Variants in B4GALT6 observed in about 807,000 individuals in gnomAD.
The protein encoded by B4GALT6 is UDP-Gal:beta-GlcNAc beta-1,4-galactosyltransferase 6.
B4GALT6 carries 14 observed loss-of-function variants against 46.3 expected under a neutral mutation model. The ratio of observed to expected loss-of-function variants is 0.30; its 90% CI spans 0.20 to 0.47. B4GALT6 has a LOEUF of 0.47. Among genes scored for constraint, B4GALT6 ranks in the 20% least tolerant of loss-of-function variants. The pLI, the probability that B4GALT6 is intolerant of heterozygous loss-of-function variation, is 0.99. For synonymous variants in B4GALT6, 168 were observed against 162.0 expected (o/e 1.04, Z -0.28); for missense variants, 386 against 480.1 (o/e 0.80, Z 1.83).
At chr18:31,709,603 GTATA>G in the B4GALT6 span, among the ~76,000 whole-genome samples, 14 of 135,536 alleles carry the variant, frequency 1.0e-4, no homozygotes, top group African/African-American at 3.9e-4. Context: ...GTGTGTGTGT[GTATA>G]TATATATCCT....
intron 6 of B4GALT6, among the ~76,000 whole-genome samples, 196 bp from the exon 7 acceptor site, chr18:31,627,317 A>C (rs1337341390): frequency 1.3e-5 from 2 of 152,108 alleles, no homozygotes. Flanking sequence ...TACATGTGTT[A>C]TGTTAAATGT....
intron 3 of B4GALT6, among the ~76,000 whole-genome samples, chr18:31,657,319 G>A (rs543816583): frequency 3.9e-4 from 60 of 152,044 alleles, no homozygotes; most frequent in African/African-American, 1.2e-3. Flanking sequence ...ATACAAAGAC[G>A]TACCACACAG....
chr18:31,630,872 G>T, intron 6 of B4GALT6, 87 bp downstream of exon 6: 1 of 1,427,164 alleles, frequency 7.0e-7, no homozygotes, highest in Non-Finnish European at 9.7e-7. Context: ...AGTTCTCTCA[G>T]ATTTAGGGAC....
At position 31,663,965 on chromosome 18, in the gene B4GALT6, T is replaced by C. The variant is rs866308737; in HGVS notation, c.232+2291A>G. The stretch of plus-strand genomic sequence containing the variant: ...TTCCCCGTAGGTAACAGAATGCCAG[T>C]TTCACTAGAGTTCCAGCATACTCTG... On this transcript the variant is annotated intron_variant, in intron 2 of 8. Transcript: ENST00000306851. Among the ~76,000 whole-genome samples the C allele has an allele frequency of 2.0e-5, 3 of 152,220 alleles. No individual in the cohort carries two copies. The South Asian group carries it at 6.2e-4, about 31-fold the overall frequency.
In B4GALT6 at chr18:31,625,713, C is replaced by T. The variant is rs1240028459; in HGVS notation, c.1050G>A (p.Leu350=). Residue 350 remains leucine, a synonymous_variant, in exon 9 of 9, where the codon CTG becomes CTA. Coordinates refer to ENST00000306851, the MANE Select transcript of B4GALT6 (RefSeq NM_004775.5). ...TTTTTGGCCTATATATTAAATTGTT[C>T]AGTCCATCGATGTACTGACGCTCCT... The part of the protein sequence containing the change: ...YSKERQYIDG[L]NNLIYRPKIL... 4 of 1,613,290 alleles carry T rather than the reference C, an allele frequency of 2.5e-6. No individual in the cohort carries two copies. In the South Asian group the frequency reaches 4.4e-5, roughly 18 times the overall value.
At chr18:31,678,558 T>C (rs1598932535) in intron 1 of B4GALT6, among the ~76,000 whole-genome samples, 1 of 152,324 alleles carries the variant, frequency 6.6e-6, no homozygotes, top group Non-Finnish European at 1.5e-5. Context: ...AAGGTGTACA[T>C]TTCAGCTCTT....
At chr18:31,638,582 T>C in intron 5 of B4GALT6, 62 bp downstream of exon 5, 1 of 1,287,442 alleles carries the variant, frequency 7.8e-7, no homozygotes, top group Non-Finnish European at 1.1e-6. Flanking sequence ...ATGTTTAATC[T>C]AACCATATCT....
At chr18:31,705,816 A>G in the B4GALT6 span, among the ~76,000 whole-genome samples, 8 of 152,248 alleles carry the variant, frequency 5.3e-5, no homozygotes, top group African/African-American at 1.9e-4. Context: ...TCTGTAAGGT[A>G]GAAAAGATAA....
intron 3 of B4GALT6, 137 bp downstream of exon 3, chr18:31,657,839 C>A: frequency 1.9e-6 from 1 of 518,444 alleles, no homozygotes; most frequent in Non-Finnish European, 3.3e-6. Flanking sequence ...AATAAAAGTT[C>A]AAATAACATG....
intron 1 of B4GALT6, among the ~76,000 whole-genome samples, chr18:31,678,735 T>C (rs2074445532): frequency 6.6e-6 from 1 of 152,214 alleles, no homozygotes; most frequent in Non-Finnish European, 1.5e-5. Flanking sequence ...CTTTGGGATT[T>C]TGCTCTTGGG....
chr18:31,661,852 T>A (rs1191855842), intron 2 of B4GALT6, among the ~76,000 whole-genome samples: 1 of 152,222 alleles, frequency 6.6e-6, no homozygotes, highest in Non-Finnish European at 1.5e-5. Context: ...AATATCTACA[T>A]TTTCATTCAA....
chr18:31,661,265 A>C (rs1278410936), intron 2 of B4GALT6, among the ~76,000 whole-genome samples: 1 of 152,182 alleles, frequency 6.6e-6, no homozygotes, highest in Non-Finnish European at 1.5e-5. Context: ...TATAATACTA[A>C]ATGTCTTTCT....
the B4GALT6 span, among the ~76,000 whole-genome samples, chr18:31,697,281 AAG>A: frequency 9.9e-5 from 15 of 150,976 alleles, no homozygotes; most frequent in Non-Finnish European, 1.9e-4. Flanking sequence ...CCCTGAAAAA[AAG>A]AGAGAGAGAG....
At chr18:31,681,097 G>A (rs928270911) in intron 1 of B4GALT6, among the ~76,000 whole-genome samples, 1 of 102,368 alleles carries the variant, frequency 9.8e-6, no homozygotes, top group African/African-American at 3.7e-5. Flanking sequence ...ATGAGCCTTA[G>A]TCATCTATCT....
the B4GALT6 span, among the ~76,000 whole-genome samples, chr18:31,711,764 C>T: frequency 2.0e-5 from 3 of 152,216 alleles, no homozygotes; most frequent in African/African-American, 7.2e-5. Context: ...TCCCCATCTT[C>T]TTTCACTATT....
intron 2 of B4GALT6, among the ~76,000 whole-genome samples, chr18:31,665,699 G>A (rs1347415352): frequency 3.3e-5 from 5 of 152,082 alleles, no homozygotes; most frequent in Non-Finnish European, 7.4e-5. Flanking sequence ...CCAAGATTGC[G>A]CCACTGCACT....
chr18:31,656,382 A>T (rs1357927020), intron 3 of B4GALT6, among the ~76,000 whole-genome samples: 4 of 152,192 alleles, frequency 2.6e-5, no homozygotes, highest in African/African-American at 9.6e-5. Flanking sequence ...TGTACAAAGT[A>T]GGCTTAAAAA....
the B4GALT6 span, among the ~76,000 whole-genome samples, chr18:31,706,611 G>T: frequency 6.6e-6 from 1 of 152,044 alleles, no homozygotes; most frequent in South Asian, 2.1e-4. Context: ...TCCAGCCTGG[G>T]CCACAGAGTG....
At chr18:31,691,828 CTT>C in the B4GALT6 span, among the ~76,000 whole-genome samples, 4 of 152,122 alleles carry the variant, frequency 2.6e-5, no homozygotes, top group Non-Finnish European at 4.4e-5. Context: ...AACGTCCTCT[CTT>C]AAGCTAAAAT....
Sources: gnomAD v4.1 joint callset for allele counts (sites outside exome capture counted in the v4.1 genomes callset) on GRCh38, gnomAD v4.1.1 for gene constraint, MANE v1.5 for transcripts, NCBI Gene and HGNC (gene_info 2026-07-23, HGNC 2026-07-21) for gene names.